Variants in C7orf78 observed in about 807,000 individuals in gnomAD.
The protein encoded by C7orf78 is chromosome 7 open reading frame 78.
At chr7:12,532,148 C>T in the C7orf78 span, among the ~76,000 whole-genome samples, 1 of 152,184 alleles carries the variant, frequency 6.6e-6, no homozygotes, top group African/African-American at 2.4e-5. Flanking sequence ...TTATTTCCTA[C>T]AGGCCAGCAT....
chr7:12,533,790 A>G, the C7orf78 span, among the ~76,000 whole-genome samples: 2 of 152,134 alleles, frequency 1.3e-5, no homozygotes, highest in South Asian at 2.1e-4. Context: ...TGCTAGGATT[A>G]CAGGCGTGAG....
At chr7:12,539,999 T>A in the C7orf78 span, among the ~76,000 whole-genome samples, 1 of 152,176 alleles carries the variant, frequency 6.6e-6, no homozygotes, top group Non-Finnish European at 1.5e-5. Context: ...CTTCAAGCTT[T>A]AAGAACAGAA....
chr7:12,505,896 C>G, the C7orf78 span: 1 of 152,082 alleles, frequency 6.6e-6, no homozygotes, highest in African/African-American at 2.4e-5. Context: ...ATTTTACATA[C>G]ATATTATTCA....
At chr7:12,533,512 C>CTTTTTTT in the C7orf78 span, among the ~76,000 whole-genome samples, 3 of 112,608 alleles carry the variant, frequency 2.7e-5, no homozygotes, top group Non-Finnish European at 3.6e-5. Context: ...CCAAAGGTTT[C>CTTTTTTT]TTTTTTTTTT....
At chr7:12,536,818 G>T in the C7orf78 span, among the ~76,000 whole-genome samples, 1 of 152,138 alleles carries the variant, frequency 6.6e-6, no homozygotes, top group Non-Finnish European at 1.5e-5. Context: ...GGGGCAAAAT[G>T]CTGCCAGTCT....
the C7orf78 span, among the ~76,000 whole-genome samples, chr7:12,516,510 G>A: frequency 1.1e-4 from 16 of 152,236 alleles, no homozygotes; most frequent in Admixed American, 2.6e-4. Flanking sequence ...GCCTACTAGA[G>A]CTATGAGAAG....
At chr7:12,525,778 A>G in the C7orf78 span, 2 of 395,918 alleles carry the variant, frequency 5.1e-6, no homozygotes, top group Non-Finnish European at 8.9e-6. Context: ...ATGAGAAACA[A>G]TATGTATTAA....
the C7orf78 span, among the ~76,000 whole-genome samples, chr7:12,489,158 A>G: frequency 1.3e-5 from 2 of 152,108 alleles, no homozygotes; most frequent in Non-Finnish European, 2.9e-5. Flanking sequence ...ATAGACAAAA[A>G]GCAAGGGACA....
At chr7:12,524,640 C>T in the C7orf78 span, among the ~76,000 whole-genome samples, 2 of 151,872 alleles carry the variant, frequency 1.3e-5, no homozygotes, top group Non-Finnish European at 1.5e-5. Flanking sequence ...GTCAGGAGTT[C>T]GAGACCAGCC....
chr7:12,497,272 G>C, the C7orf78 span, among the ~76,000 whole-genome samples: 9 of 152,196 alleles, frequency 5.9e-5, 1 homozygote, highest in Admixed American at 5.2e-4. Flanking sequence ...CAGCCTGAGC[G>C]ACGCAGAAGA....
the C7orf78 span, among the ~76,000 whole-genome samples, chr7:12,484,558 C>G: frequency 6.6e-6 from 1 of 152,070 alleles, no homozygotes; most frequent in Non-Finnish European, 1.5e-5. Flanking sequence ...TGGTTATTTT[C>G]TTATAATGTC....
chr7:12,503,025 T>C, the C7orf78 span, among the ~76,000 whole-genome samples: 1 of 144,804 alleles, frequency 6.9e-6, no homozygotes, highest in South Asian at 2.2e-4. Context: ...TAGGTGGGAA[T>C]TGAACAATGA....
chr7:12,532,107 C>T, the C7orf78 span, among the ~76,000 whole-genome samples: 4 of 152,104 alleles, frequency 2.6e-5, no homozygotes, highest in East Asian at 1.9e-4. Context: ...AAGATGGAGC[C>T]GCCATTTTGA....
At chr7:12,484,967 G>A in the C7orf78 span, among the ~76,000 whole-genome samples, 1 of 152,088 alleles carries the variant, frequency 6.6e-6, no homozygotes, top group South Asian at 2.1e-4. Flanking sequence ...TTGCGTCTTT[G>A]TGTGACTTTC....
At chr7:12,536,808 G>C in the C7orf78 span, among the ~76,000 whole-genome samples, 1 of 152,106 alleles carries the variant, frequency 6.6e-6, no homozygotes, top group South Asian at 2.1e-4. Flanking sequence ...CTCTAGGCCG[G>C]GGGCAAAATG....
At chr7:12,525,297 C>A in the C7orf78 span, among the ~76,000 whole-genome samples, 15 of 151,896 alleles carry the variant, frequency 9.9e-5, no homozygotes, top group Non-Finnish European at 2.1e-4. Context: ...TCAATTAAAC[C>A]ACTAAAAAAT....
chr7:12,523,241 A>T, the C7orf78 span: 1 of 398,358 alleles, frequency 2.5e-6, no homozygotes, highest in Non-Finnish European at 4.4e-6. Context: ...GAGGAAAAAA[A>T]TCAGTTTTCC....
At chr7:12,486,001 C>G in the C7orf78 span, among the ~76,000 whole-genome samples, 1 of 152,202 alleles carries the variant, frequency 6.6e-6, no homozygotes, top group Non-Finnish European at 1.5e-5. Context: ...GAAAAGGTAT[C>G]TCCACTGATT....
the C7orf78 span, among the ~76,000 whole-genome samples, chr7:12,500,918 G>A: frequency 6.7e-6 from 1 of 148,226 alleles, no homozygotes; most frequent in East Asian, 2.0e-4. Context: ...ATGCAAGGCT[G>A]GTTGAATATA....
Sources: allele counts gnomAD v4.1 joint callset (sites outside exome capture counted in the v4.1 genomes callset), GRCh38; gene constraint gnomAD v4.1.1; transcripts MANE v1.5; gene names NCBI Gene and HGNC (gene_info 2026-07-23, HGNC 2026-07-21).